CDK14: variants seen among roughly 807,000 people sequenced by gnomAD.
CDK14 encodes the protein cyclin dependent kinase 14.
Under a neutral mutation model 60.7 loss-of-function variants are expected in CDK14, and 34 were observed. The ratio of observed to expected loss-of-function variants is 0.56; its 90% CI spans 0.43 to 0.75. The LOEUF is 0.75. CDK14 is among the 30% of genes least tolerant of loss of function. CDK14 has a pLI of 0.00. For missense variants in CDK14, 482 were observed against 564.1 expected, an observed-to-expected ratio of 0.85 and a Z score of 1.47; for synonymous variants, 197 against 203.7, an observed-to-expected ratio of 0.97 and a Z score of 0.28.
intron 14 of CDK14, among the ~76,000 whole-genome samples, chr7:91,202,014 A>G (rs1802745367): frequency 6.6e-6 from 1 of 152,136 alleles, no homozygotes; most frequent in Admixed American, 6.5e-5. Flanking sequence ...GATCTAATCA[A>G]TTGGTCTGTG....
At chr7:91,167,270 G>A (rs1169290523) in intron 14 of CDK14, among the ~76,000 whole-genome samples, 3 of 152,134 alleles carry the variant, frequency 2.0e-5, no homozygotes, top group Admixed American at 6.5e-5. Context: ...TCCAACCAAC[G>A]TTGAAAAATA....
At chr7:91,173,877 G>T (rs987310910) in intron 14 of CDK14, among the ~76,000 whole-genome samples, 2 of 152,248 alleles carry the variant, frequency 1.3e-5, no homozygotes, top group Non-Finnish European at 2.9e-5. Flanking sequence ...GCGAGGCTGG[G>T]GGAGGGGCAC....
intron 6 of CDK14, among the ~76,000 whole-genome samples, chr7:90,894,269 C>G (rs1441317400): frequency 6.6e-6 from 1 of 151,958 alleles, no homozygotes; most frequent in African/African-American, 2.4e-5. Flanking sequence ...GTTATGTGAC[C>G]TGCTCAAAGT....
intron 10 of CDK14, among the ~76,000 whole-genome samples, chr7:91,041,264 T>G (rs1797083375): frequency 1.3e-5 from 2 of 151,896 alleles, no homozygotes; most frequent in Non-Finnish European, 1.5e-5. Flanking sequence ...CAGAGGGACG[T>G]GAGACCATTT....
chr7:90,944,238 T>C (rs73227050), intron 8 of CDK14, among the ~76,000 whole-genome samples: 9,517 of 152,208 alleles, frequency 0.063, 411 homozygotes, highest in South Asian at 0.093. Context: ...CACTTTCAAG[T>C]ATTCTTTGAT....
chr7:90,795,804 A>C (rs948218710), intron 5 of CDK14, among the ~76,000 whole-genome samples: 3 of 152,174 alleles, frequency 2.0e-5, no homozygotes, highest in Non-Finnish European at 4.4e-5. Context: ...CAGGGTGTGC[A>C]CTAGAATTAA....
chr7:90,778,809 A>C (rs1805162952), intron 4 of CDK14, among the ~76,000 whole-genome samples: 1 of 150,332 alleles, frequency 6.7e-6, no homozygotes, highest in Non-Finnish European at 1.5e-5. Flanking sequence ...TCCTTTTTTC[A>C]GCTTAATCCT....
At chr7:90,907,674 C>G (rs899924296) in intron 7 of CDK14, among the ~76,000 whole-genome samples, 2 of 152,052 alleles carry the variant, frequency 1.3e-5, no homozygotes, top group Admixed American at 6.6e-5. Context: ...GCCTTATTCT[C>G]TGAAGTATCC....
At chr7:91,178,615 G>GA (rs948052154) in intron 14 of CDK14, among the ~76,000 whole-genome samples, 1 of 151,826 alleles carries the variant, frequency 6.6e-6, no homozygotes, top group Non-Finnish European at 1.5e-5. Context: ...AAATTTACAG[G>GA]AAAAAAACAA....
chr7:90,884,541 A>G (rs757623464), intron 6 of CDK14, among the ~76,000 whole-genome samples: 1 of 152,196 alleles, frequency 6.6e-6, no homozygotes, highest in African/African-American at 2.4e-5. Context: ...TGGTATCCCC[A>G]TCAATCTACC....
chr7:90,711,499 T>C (rs140337860), intron 2 of CDK14, among the ~76,000 whole-genome samples: 3 of 152,172 alleles, frequency 2.0e-5, no homozygotes, highest in East Asian at 3.9e-4. Flanking sequence ...TTTTTCATCC[T>C]GTGACAGAAG....
chr7:90,895,923 C>T (rs1191276452), intron 6 of CDK14, among the ~76,000 whole-genome samples: 5 of 151,698 alleles, frequency 3.3e-5, no homozygotes, highest in South Asian at 2.1e-4. Context: ...AAACTCCTCA[C>T]TTAATAAAAA....
At chr7:91,142,461 T>A (rs1344246308) in intron 14 of CDK14, among the ~76,000 whole-genome samples, 3 of 152,242 alleles carry the variant, frequency 2.0e-5, no homozygotes, top group Non-Finnish European at 4.4e-5. Flanking sequence ...CTTGTAGCCA[T>A]GTCTCTGTTG....
chr7:91,206,984 A>T (rs542416084), intron 14 of CDK14, among the ~76,000 whole-genome samples, 181 bp from the exon 15 acceptor site: 1 of 152,242 alleles, frequency 6.6e-6, no homozygotes, highest in African/African-American at 2.4e-5. Context: ...TGTTTATCAT[A>T]TTAGAAGGAT....
At chr7:90,637,562 G>A (rs981672404) in intron 2 of CDK14, among the ~76,000 whole-genome samples, 3 of 151,852 alleles carry the variant, frequency 2.0e-5, no homozygotes, top group African/African-American at 7.3e-5. Flanking sequence ...CAAGTATGTG[G>A]TCAATTTTGG....
chr7:90,834,913 G>C (rs1461452839), intron 5 of CDK14, among the ~76,000 whole-genome samples: 2 of 152,134 alleles, frequency 1.3e-5, no homozygotes, highest in Admixed American at 6.5e-5. Flanking sequence ...TCAGGCTAGA[G>C]GGAAAAGCTA....
intron 11 of CDK14, among the ~76,000 whole-genome samples, chr7:91,057,396 G>A (rs1033027777): frequency 2.6e-4 from 39 of 152,138 alleles, no homozygotes; most frequent in African/African-American, 9.2e-4. Context: ...CTGTGCAGAA[G>A]CTCTTTAGTT....
chr7:91,093,704 ACCAAAATGG>A (rs1798898241), intron 12 of CDK14, among the ~76,000 whole-genome samples: 1 of 152,194 alleles, frequency 6.6e-6, no homozygotes, highest in Non-Finnish European at 1.5e-5. Context: ...AAATCATATT[ACCAAAATGG>A]CATATGCACT....
chr7:91,161,259 G>A (rs935781980), intron 14 of CDK14, among the ~76,000 whole-genome samples: 4 of 152,208 alleles, frequency 2.6e-5, no homozygotes, highest in African/African-American at 7.2e-5. Context: ...CTCCCAAGGC[G>A]CAGAATCAGT....
Sources: gnomAD v4.1 joint callset for allele counts (sites outside exome capture counted in the v4.1 genomes callset) on GRCh38, gnomAD v4.1.1 for gene constraint, MANE v1.5 for transcripts, NCBI Gene and HGNC (gene_info 2026-07-23, HGNC 2026-07-21) for gene names.